ANKRD60: variants seen among roughly 807,000 people sequenced by gnomAD.
The protein encoded by ANKRD60 is ankyrin repeat domain 60, also known as ankyrin repeat domain-containing protein 60.
A neutral mutation model predicts 21.3 loss-of-function variants in ANKRD60; 24 were observed. The observed-to-expected ratio is 1.13, with a 90% CI of 0.82 to 1.59. The LOEUF is 1.59. ANKRD60 is among the 40% of genes most tolerant of loss of function. The pLI, the probability that ANKRD60 is intolerant of heterozygous loss-of-function variation, is 0.00. For synonymous variants in ANKRD60, 182 were observed against 199.4 expected, an observed-to-expected ratio of 0.91 and a Z score of 0.74; for missense variants, 490 against 466.7, an observed-to-expected ratio of 1.05 and a Z score of -0.46.
At chr20:58,217,452 G>A (rs1334315050), downstream of ANKRD60, among the ~76,000 whole-genome samples, 1 of 151,634 alleles carries the variant, frequency 6.6e-6, no homozygotes, top group East Asian at 1.9e-4. Context: ...AAAAAATCAA[G>A]GGAGATCCTT....
At chr20:58,221,626 A>AAGAG in intron 2 of ANKRD60, 123 bp from the exon 3 acceptor site, 1 of 1,124,774 alleles carries the variant, frequency 8.9e-7, no homozygotes, top group East Asian at 2.6e-5. Flanking sequence ...ATGATGGGAA[A>AAGAG]AGAGAGGTGC....
rs1984415674 is a variant in ANKRD60, at chr20:58,228,461, G to A, written c.193C>T (p.Pro65Ser). The change falls in exon 1 of 4, where the codon CCC becomes TCC. Residue 65 changes from proline (P) to serine (S), a missense_variant. Transcript: ENST00000457363. This position sits in a 1 kb window ranked among gnomAD's most constrained non-coding sequence, Gnocchi z 5.3. The stretch of plus-strand genomic sequence containing the variant: ...CTCCGGCCGCGGGCACAGGCCAGGG[G>A]CTGCGCGGGGAGGGCCCGCGAGTCC... 1 of 1,530,578 alleles carries A rather than the reference G, an allele frequency of 6.5e-7. No individual in the cohort carries two copies. The highest frequency in any genetic ancestry group is 8.7e-7 in the Non-Finnish European group (1 of 1,143,024). 94.8% of individuals were successfully genotyped at this position (1,530,578 alleles called of 1,614,324 possible).
chr20:58,219,790 A>T (rs1328856203), intron 3 of ANKRD60, among the ~76,000 whole-genome samples: 2 of 152,172 alleles, frequency 1.3e-5, no homozygotes, highest in Non-Finnish European at 1.5e-5. Flanking sequence ...TCTGCAGAGG[A>T]CAGAAAACTT....
At chr20:58,218,455 G>A, downstream of ANKRD60, 1 of 1,522,308 alleles carries the variant, frequency 6.6e-7, no homozygotes, top group Non-Finnish European at 8.9e-7. Context: ...CTGCAAAGTT[G>A]CCCAAACCAG....
In ANKRD60 at chr20:58,228,633, C is replaced by G. The variant is rs1028868561; in HGVS notation, c.21G>C (p.Trp7Cys). The change falls in exon 1 of 4, where the codon TGG becomes TGC. Residue 7 changes from tryptophan (W) to cysteine (C), a missense_variant. Physicochemically the swap from Trp to Cys is radical, Grantham distance 215. Coordinates refer to ENST00000457363, the Ensembl canonical transcript of ANKRD60. This position sits in a 1 kb window ranked among gnomAD's most constrained non-coding sequence, Gnocchi z 5.3. ...CCCCCGCCGCCGCCCGCCGCATCCC[C>G]CAGGCGCGGCCGCGCGTCATCCGCG... is the stretch of plus-strand genomic sequence containing the variant. The G allele has an allele frequency of 3.2e-4, 324 of 1,005,686 alleles. 3 individuals carry two copies. The African/African-American group carries it at 5.4e-3, about 17-fold the overall frequency. The allele number at this position is 1,005,686 out of a possible 1,614,324, so 62.3% of individuals were successfully genotyped here.
intron 3 of ANKRD60, 100 bp from the exon 4 acceptor site, chr20:58,218,905 G>A: frequency 8.9e-7 from 1 of 1,121,228 alleles, no homozygotes; most frequent in Non-Finnish European, 1.2e-6. Context: ...AGGTCCTGCT[G>A]CCTGGCCCAG....
In ANKRD60 at chr20:58,221,478, T is replaced by TC. The variant is rs1323257928; in HGVS notation, c.586dup (p.Asp196GlyfsTer13). 7 of 1,551,688 alleles carry TC rather than the reference T, an allele frequency of 4.5e-6. No homozygotes were observed. Among genetic ancestry groups the TC allele is most frequent in the African/African-American group, 2.7e-5 (2 of 73,008 alleles). Reference sequence around the variant, plus strand: ...TGAATTTGCGGTTCGGTAGAAGGAATCTTCAGTAAGCCCGAGACAAGATAG... The same window carrying TC: ...TGAATTTGCGGTTCGGTAGAAGGAATCCTTCAGTAAGCCCGAGACAAGATAG... On this transcript the variant is annotated frameshift_variant, in exon 3 of 4. Transcript: ENST00000457363. LOFTEE classifies it high-confidence loss of function.
chr20:58,218,696 G>C, exon 4 of ANKRD60: 1 of 1,551,754 alleles, frequency 6.4e-7, no homozygotes, highest in African/African-American at 1.4e-5. Flanking sequence ...CTCTGTCGTG[G>C]ATGGAGGCCC....
exon 3 of ANKRD60, chr20:58,221,397 G>T (rs866444577): frequency 3.0e-5 from 47 of 1,552,206 alleles, no homozygotes; most frequent in Non-Finnish European, 4.1e-5. Flanking sequence ...CACATACAAC[G>T]CCACAAACGC....
downstream of ANKRD60, among the ~76,000 whole-genome samples, chr20:58,217,974 G>T (rs1022355064): frequency 6.6e-6 from 1 of 152,080 alleles, no homozygotes; most frequent in Admixed American, 6.5e-5. Context: ...TTCTGCCCCC[G>T]ACTCAAGAAG....
rs763744083 is a variant in ANKRD60 at position 58,228,393 on chromosome 20, G to C, written c.261C>G (p.Pro87=). 2.6e-5 allele frequency: 40 copies of C among 1,546,992 alleles called. No homozygotes were observed. Among genetic ancestry groups the C allele is most frequent in the South Asian group, 1.2e-4 (10 of 84,058 alleles). ...GGACGAAGACGTCAGGGGCCAAGTC[G>C]GGCAAGGCACTCGCGGCCTTCGGGT... The change falls in exon 1 of 4, where the codon CCC becomes CCG. Residue 87 remains proline (P), a synonymous_variant. Coordinates refer to ENST00000457363, the Ensembl canonical transcript of ANKRD60. The surrounding 1 kb of genome is among the most constrained non-coding windows in gnomAD (Gnocchi z 5.3).
In ANKRD60 at chr20:58,228,377, C is replaced by G. The variant is rs1186856918; in HGVS notation, c.277G>C (p.Val93Leu). 3 of 1,549,078 alleles carry G rather than the reference C, an allele frequency of 1.9e-6. No homozygotes were observed. The highest frequency in any genetic ancestry group is 2.6e-6 in the Non-Finnish European group (3 of 1,146,868). Residue 93 changes from valine to leucine, a missense_variant, in exon 1 of 4, where the codon GTC (valine) becomes CTC (leucine). Transcript: ENST00000457363. The surrounding 1 kb of genome is among the most constrained non-coding windows in gnomAD (Gnocchi z 5.3). ...TCCAGCCGCACCCGCAGGACGAAGA[C>G]GTCAGGGGCCAAGTCGGGCAAGGCA...
intron 1 of ANKRD60, among the ~76,000 whole-genome samples, chr20:58,227,306 TA>T (rs1459010367): frequency 2.6e-5 from 4 of 152,020 alleles, no homozygotes; most frequent in Admixed American, 1.3e-4. Context: ...GCCTGGAGAT[TA>T]GGGGTTGAGT....
chr20:58,218,501 A>G (rs1201461042), exon 4 of ANKRD60: 1 of 1,549,964 alleles, frequency 6.5e-7, no homozygotes, highest in South Asian at 1.2e-5. Flanking sequence ...GGAGCTAATG[A>G]GGGGTCATCG....
At chr20:58,223,157 C>G (rs1225291273) in exon 2 of ANKRD60, 1 of 1,550,960 alleles carries the variant, frequency 6.4e-7, no homozygotes, top group Non-Finnish European at 8.7e-7. Flanking sequence ...CATGGAACTT[C>G]AGGGTAGTGT....
rs1056908524 is a variant in ANKRD60, at chr20:58,221,217, G to A, written c.727+121C>T. The A allele has an allele frequency of 5.4e-6, 6 of 1,111,448 alleles. No individual in the cohort carries two copies. The African/African-American group carries it at 6.4e-5, about 12-fold the overall frequency. 68.8% of individuals were successfully genotyped at this position (1,111,448 alleles called of 1,614,324 possible). A position where few individuals can be genotyped will look rare whatever the true frequency, so the allele number is the denominator to read the frequency against. On this transcript the variant is annotated intron_variant, in intron 3 of 3. Transcript: ENST00000457363. Reference sequence around the variant, plus strand: ...GGCACCATGGGGACCCTGACTGGTGGCTGACAAGACACAGGTCCAGGAAAC... The same window carrying A: ...GGCACCATGGGGACCCTGACTGGTGACTGACAAGACACAGGTCCAGGAAAC...
At position 58,228,288 on chromosome 20, in the gene ANKRD60, T is replaced by C; in HGVS notation, c.366A>G (p.Lys122=). Residue 122 remains lysine (K), a synonymous_variant, in exon 1 of 4, where the codon AAA becomes AAG. Transcript: ENST00000457363. This position sits in a 1 kb window ranked among gnomAD's most constrained non-coding sequence, Gnocchi z 5.3. ...TGCCGACCATCAGGTCCAGCTCCTC[T>C]TTGAGCTCCCGCACGGTCATGTCGC... 10 of 1,551,470 alleles carry C rather than the reference T, an allele frequency of 6.4e-6. No individual in the cohort carries two copies. Among genetic ancestry groups the C allele is most frequent in the Non-Finnish European group, 8.7e-6 (10 of 1,146,902 alleles).
At chr20:58,224,468 G>T (rs1429004778) in intron 1 of ANKRD60, among the ~76,000 whole-genome samples, 1 of 152,200 alleles carries the variant, frequency 6.6e-6, no homozygotes, top group Non-Finnish European at 1.5e-5. Context: ...TCCATCTGCT[G>T]ATGAGCAGAC....
At chr20:58,221,425 G>C in exon 3 of ANKRD60, 1 of 1,552,302 alleles carries the variant, frequency 6.4e-7, no homozygotes, top group Admixed American at 2.0e-5. Flanking sequence ...GACGTCCAGT[G>C]CTTCCACTTC....
Sources: allele counts gnomAD v4.1 joint callset (sites outside exome capture counted in the v4.1 genomes callset), GRCh38; gene constraint gnomAD v4.1.1; non-coding constraint Gnocchi (gnomAD v3.1); transcripts MANE v1.5; gene names NCBI Gene and HGNC (gene_info 2026-07-23, HGNC 2026-07-21).